PTPRZ1: variants seen among roughly 807,000 people sequenced by gnomAD.
PTPRZ1 encodes protein tyrosine phosphatase receptor type Z1, also known as receptor-type tyrosine-protein phosphatase zeta.
Under a neutral mutation model 214.1 loss-of-function variants are expected in PTPRZ1, and 82 were observed. The observed-to-expected ratio is 0.38, with a 90% CI of 0.32 to 0.46. The LOEUF (loss-of-function observed/expected upper bound fraction) is 0.46, where lower values mean the gene tolerates loss of function less well. Ranked by LOEUF, PTPRZ1 falls within the 20% of genes least tolerant of loss-of-function variation. The pLI is 1.00. For missense variants in PTPRZ1, 2,603 were observed against 2,748.7 expected (o/e 0.95, Z 1.19); for synonymous variants, 945 against 987.9 (o/e 0.96, Z 0.81).
intron 1 of PTPRZ1, among the ~76,000 whole-genome samples, chr7:121,927,583 A>C (rs1795801616): frequency 6.6e-6 from 1 of 152,198 alleles, no homozygotes; most frequent in Admixed American, 6.5e-5. Context: ...TGTTCCTCCA[A>C]GTGACAAATT....
chr7:122,052,028 A>G (rs760082892), intron 25 of PTPRZ1, 89 bp downstream of exon 25: 14 of 967,822 alleles, frequency 1.4e-5, no homozygotes, highest in African/African-American at 3.4e-5. Context: ...GACTACAGGC[A>G]TGGGCAAATG....
intron 3 of PTPRZ1, among the ~76,000 whole-genome samples, chr7:121,970,861 A>T (rs1272487322): frequency 6.6e-6 from 1 of 152,102 alleles, no homozygotes; most frequent in Non-Finnish European, 1.5e-5. Context: ...GGTGTTTTAG[A>T]CATCAAGTCC....
intron 17 of PTPRZ1, among the ~76,000 whole-genome samples, chr7:122,035,621 C>T (rs946275761): frequency 1.3e-5 from 2 of 152,128 alleles, no homozygotes; most frequent in Non-Finnish European, 2.9e-5. Context: ...AACCAAACTA[C>T]AAAAATAGGT....
chr7:122,059,569 T>A, intron 28 of PTPRZ1, 184 bp from the exon 29 acceptor site: 1 of 652,310 alleles, frequency 1.5e-6, no homozygotes, highest in Non-Finnish European at 2.5e-6. Context: ...ATTGATATCA[T>A]GAACACTTGG....
Position 122,028,574 on chromosome 7 carries a change from T to G in PTPRZ1, c.5011T>G (p.Phe1671Val). The G allele has an allele frequency of 1.3e-6, 2 of 1,542,804 alleles. No individual in the cohort carries two copies. Among genetic ancestry groups the G allele is most frequent in the Non-Finnish European group, 1.8e-6 (2 of 1,115,600 alleles). The change falls in exon 14 of 30, where the codon TTT becomes GTT. Residue 1671 changes from phenylalanine to valine, a missense_variant. Physicochemically the swap from Phe to Val is conservative, Grantham distance 50. Coordinates refer to ENST00000393386, the MANE Select transcript of PTPRZ1 (RefSeq NM_002851.3). Reference protein sequence around the residue: ...YWRKCFQTAHFYLEDSTSPRV... With the variant: ...YWRKCFQTAHVYLEDSTSPRV... Reference sequence around the variant, plus strand: ...CAGGAAATGCTTCCAGACTGCACACTTTTACTTAGAGGACAGTACATCCCC... The same window carrying G: ...CAGGAAATGCTTCCAGACTGCACACGTTTACTTAGAGGACAGTACATCCCC...
At chr7:122,025,451 T>C (rs1229217516) in intron 13 of PTPRZ1, among the ~76,000 whole-genome samples, 4 of 151,472 alleles carry the variant, frequency 2.6e-5, no homozygotes, top group Non-Finnish European at 5.9e-5. Flanking sequence ...TGCCTCAGCC[T>C]CTTGAGTAGC....
intron 13 of PTPRZ1, 93 bp downstream of exon 13, chr7:122,019,361 G>T: frequency 1.6e-6 from 2 of 1,262,894 alleles, no homozygotes; most frequent in Non-Finnish European, 2.2e-6. Flanking sequence ...TATTCAAAAT[G>T]TATTTTACCT....
At chr7:121,948,368 C>T (rs575572649) in intron 2 of PTPRZ1, among the ~76,000 whole-genome samples, 3 of 152,104 alleles carry the variant, frequency 2.0e-5, no homozygotes, top group South Asian at 2.1e-4. Flanking sequence ...GTTATCCTAG[C>T]GCTCTGGGAG....
rs750988561 is a variant in PTPRZ1 at position 121,983,754 on chromosome 7, TCTC to T, written c.714_716del (p.Pro239del). 6.2e-7 allele frequency: 1 copy of T among 1,613,758 alleles called. No individual in the cohort carries two copies. The highest frequency in any genetic ancestry group is 1.7e-5 in the Admixed American group (1 of 60,022). ...TTACATTTACAATGGCTCATTGACA[TCTC>T]CTCCCTGCACAGACACAGTTGACTG... On this transcript the variant is annotated inframe_deletion, in exon 7 of 30. Coordinates refer to ENST00000393386, the MANE Select transcript of PTPRZ1 (RefSeq NM_002851.3).
rs559989332 is a variant in PTPRZ1, at chr7:121,884,303, T to C, written c.58+10746T>C. The stretch of plus-strand genomic sequence containing the variant: ...ATGGAAACATATATGTATATGTGCA[T>C]ATATGCATCTATATACACACCTAAA... On this transcript the variant is annotated intron_variant, in intron 1 of 29. Transcript: ENST00000393386. 2.5e-3 allele frequency among the ~76,000 whole-genome samples: 384 copies of C among 152,278 alleles called. 2 individuals are homozygous for C. The highest frequency in any genetic ancestry group is 8.9e-3 in the African/African-American group (368 of 41,562).
At position 122,010,710 on chromosome 7, in the gene PTPRZ1, G is replaced by A. The variant is rs556777692; in HGVS notation, c.1664G>A (p.Gly555Glu). The A allele has an allele frequency of 6.2e-7, 1 of 1,613,932 alleles. No homozygotes were observed. The highest frequency in any genetic ancestry group is 1.1e-5 in the South Asian group (1 of 91,032). ...VLRSPHMNLS[G>E]TAESLNTVSI... The stretch of plus-strand genomic sequence containing the variant: ...AGATCTCCACATATGAACTTGTCGG[G>A]GACTGCAGAATCCTTAAATACAGTT... The change falls in exon 12 of 30, where the codon GGG becomes GAG. Residue 555 changes from glycine to glutamate, a missense_variant. By Grantham distance (98) the Gly-to-Glu change is moderately conservative. Coordinates refer to ENST00000393386, the MANE Select transcript of PTPRZ1 (RefSeq NM_002851.3).
chr7:121,895,476 G>T (rs527680603), intron 1 of PTPRZ1, among the ~76,000 whole-genome samples: 8 of 152,208 alleles, frequency 5.3e-5, no homozygotes, highest in Admixed American at 2.6e-4. Flanking sequence ...CTTTTTCTTA[G>T]ATTTTTATTA....
At position 122,041,092 on chromosome 7, in the gene PTPRZ1, A is replaced by G. The variant is rs1371793063; in HGVS notation, c.5801+113A>G. On this transcript the variant is annotated intron_variant, in intron 21 of 29. Coordinates refer to ENST00000393386, the MANE Select transcript of PTPRZ1 (RefSeq NM_002851.3). ...GGAATGATTTCTTGAAATGAGGGTG[A>G]TGAAATTATATGTTCATTTTCATAA... is the stretch of plus-strand genomic sequence containing the variant. The G allele has an allele frequency of 1.2e-5, 11 of 940,590 alleles. No homozygotes were observed. In the South Asian group the frequency reaches 3.3e-4, roughly 29 times the overall value. 58.3% of individuals were successfully genotyped at this position (940,590 alleles called of 1,614,324 possible).
intron 6 of PTPRZ1, among the ~76,000 whole-genome samples, chr7:121,978,792 A>T (rs1797517594): frequency 6.6e-6 from 1 of 152,180 alleles, no homozygotes. Flanking sequence ...TTAGTATTTC[A>T]ATATACTCAG....
At chr7:122,055,507 C>T (rs1792320180) in intron 27 of PTPRZ1, among the ~76,000 whole-genome samples, 1 of 151,860 alleles carries the variant, frequency 6.6e-6, no homozygotes, top group African/African-American at 2.4e-5. Flanking sequence ...CCGAAACTTA[C>T]TATTCTCTAC....
intron 1 of PTPRZ1, among the ~76,000 whole-genome samples, chr7:121,919,402 A>C (rs1795524247): frequency 6.6e-6 from 1 of 152,004 alleles, no homozygotes; most frequent in African/African-American, 2.4e-5. Flanking sequence ...ATATTGTAAT[A>C]TTTGTTTAAT....
rs1214106738 is a variant in PTPRZ1, at chr7:121,916,901, A to G, written c.59-11255A>G. ...CAGAATGGGCATTGTGGAGGCCCCAAGTTCCATGGAGAATGCAACTATTAA... is the reference window on the plus strand; with the variant it reads ...CAGAATGGGCATTGTGGAGGCCCCAGGTTCCATGGAGAATGCAACTATTAA... On this transcript the variant is annotated intron_variant, in intron 1 of 29. Transcript: ENST00000393386. 3.3e-5 allele frequency among the ~76,000 whole-genome samples: 5 copies of G among 152,210 alleles called. No homozygotes were observed. In the South Asian group the frequency reaches 8.3e-4, roughly 25 times the overall value.
rs374670942 is a variant in PTPRZ1, at chr7:122,034,351, A to G, written c.5257A>G (p.Lys1753Glu). The G allele has an allele frequency of 6.2e-7, 1 of 1,613,360 alleles. No individual in the cohort carries two copies. Among genetic ancestry groups the G allele is most frequent in the East Asian group, 2.2e-5 (1 of 44,846 alleles). ...DSSNHPDNKHKNRYINIVAYD... is the reference protein window; with the variant it reads ...DSSNHPDNKHENRYINIVAYD... ...CTCCAACCACCCAGACAACAAGCAC[A>G]AGAATCGATACATAAATATCGTTGC... Residue 1753 changes from lysine to glutamate, a missense_variant, in exon 17 of 30, where the codon AAG becomes GAG. Lys to Glu is a moderately conservative substitution (Grantham distance 56). Transcript: ENST00000393386.
At chr7:122,014,620 A>G (rs1318018368) in intron 12 of PTPRZ1, among the ~76,000 whole-genome samples, 1 of 152,046 alleles carries the variant, frequency 6.6e-6, no homozygotes, top group Admixed American at 6.6e-5. Context: ...GTGTATTTTT[A>G]GTAAAGACGG....
Sources: gnomAD v4.1 joint callset for allele counts (sites outside exome capture counted in the v4.1 genomes callset) on GRCh38, gnomAD v4.1.1 for gene constraint, MANE v1.5 for transcripts, NCBI Gene and HGNC (gene_info 2026-07-23, HGNC 2026-07-21) for gene names.